SCAPER: variants seen among roughly 807,000 people sequenced by gnomAD.
SCAPER encodes S-phase cyclin A associated protein in the ER, also known as S phase cyclin A-associated protein in the endoplasmic reticulum.
A neutral mutation model predicts 182.2 loss-of-function variants in SCAPER; 98 were observed. That is an observed-to-expected ratio of 0.54 (90% CI 0.46 to 0.64). The LOEUF is 0.64. Among genes scored for constraint, SCAPER ranks in the 30% least tolerant of loss-of-function variants. The probability of loss-of-function intolerance (pLI) is 0.00; values close to 1 mark genes in which losing one functional copy is unlikely to be tolerated. For missense variants in SCAPER, 1,432 were observed against 1,690.0 expected (o/e 0.85, Z 2.68); for synonymous variants, 605 against 564.6 (o/e 1.07, Z -1.01).
intron 17 of SCAPER, among the ~76,000 whole-genome samples, chr15:76,719,554 C>A (rs1441469757): frequency 6.6e-6 from 1 of 152,014 alleles, no homozygotes; most frequent in East Asian, 1.9e-4. Flanking sequence ...GCCCTTGCCA[C>A]TAAAACAAAT....
chr15:76,348,728 G>A lies in SCAPER; in HGVS notation c.4108C>T (p.Leu1370Phe). 1 of 1,524,088 alleles carries A rather than the reference G, an allele frequency of 6.6e-7. No homozygotes were observed. Among genetic ancestry groups the A allele is most frequent in the South Asian group, 1.3e-5 (1 of 78,132 alleles). 94.4% of individuals were successfully genotyped at this position (1,524,088 alleles called of 1,614,324 possible). A position where few individuals can be genotyped will look rare whatever the true frequency, so the allele number is the denominator to read the frequency against. ...NQPYQPKGKC[L>F]GSQDYLELAN... is the part of the protein sequence containing the mutation. ...AGCTCAAGATAGTCTTGGGAACCAA[G>A]GCATTTCCCTGAGAGGGGGATAAAA... Residue 1370 changes from leucine to phenylalanine, a missense_variant, in exon 32 of 32, where the codon CTT (leucine) becomes TTT (phenylalanine). Transcript: ENST00000563290.
At chr15:76,392,231 TA>T (rs200400170) in intron 27 of SCAPER, among the ~76,000 whole-genome samples, 1 of 152,148 alleles carries the variant, frequency 6.6e-6, no homozygotes, top group Non-Finnish European at 1.5e-5. Context: ...AATTTTTAAT[TA>T]AAAAAATAAC....
At chr15:76,507,612 G>A (rs754453045) in intron 23 of SCAPER, among the ~76,000 whole-genome samples, 3 of 152,022 alleles carry the variant, frequency 2.0e-5, no homozygotes, top group East Asian at 1.9e-4. Context: ...CATTAATGAC[G>A]TATCAATTAT....
chr15:76,454,081 A>G (rs2048556885), intron 25 of SCAPER, among the ~76,000 whole-genome samples: 1 of 152,190 alleles, frequency 6.6e-6, no homozygotes, highest in Non-Finnish European at 1.5e-5. Flanking sequence ...GCGGATCCCT[A>G]CTTATGTCAC....
intron 22 of SCAPER, among the ~76,000 whole-genome samples, chr15:76,619,144 C>T (rs1044680895): frequency 1.3e-5 from 2 of 152,098 alleles, no homozygotes; most frequent in African/African-American, 4.8e-5. Context: ...CGCACCCAGC[C>T]GTGTTTCTAT....
intron 15 of SCAPER, among the ~76,000 whole-genome samples, chr15:76,740,876 T>C (rs985860580): frequency 6.6e-6 from 1 of 152,062 alleles, no homozygotes; most frequent in Non-Finnish European, 1.5e-5. Flanking sequence ...ATAATAAAAC[T>C]ATGAATAATT....
At chr15:76,700,745 A>T (rs1054963716) in intron 20 of SCAPER, among the ~76,000 whole-genome samples, 1 of 152,220 alleles carries the variant, frequency 6.6e-6, no homozygotes, top group Non-Finnish European at 1.5e-5. Flanking sequence ...CTGATGCTAC[A>T]CAGGAGGGCA....
chr15:76,539,601 G>T (rs2044545105), intron 23 of SCAPER, among the ~76,000 whole-genome samples: 1 of 131,476 alleles, frequency 7.6e-6, no homozygotes, highest in Admixed American at 9.3e-5. Context: ...CTGGAGTGCT[G>T]TGGCATGATC....
At chr15:76,744,997 A>G (rs1276029196) in intron 15 of SCAPER, among the ~76,000 whole-genome samples, 2 of 152,222 alleles carry the variant, frequency 1.3e-5, no homozygotes, top group Non-Finnish European at 2.9e-5. Context: ...TTGCAGCAAC[A>G]TAGATGGAAC....
chr15:76,421,200 T>A (rs1290283013), intron 26 of SCAPER, among the ~76,000 whole-genome samples: 4 of 152,222 alleles, frequency 2.6e-5, no homozygotes, highest in Non-Finnish European at 4.4e-5. Flanking sequence ...TGCCACACTG[T>A]CTTCCACAAT....
At chr15:76,421,462 G>A (rs1373267282) in intron 26 of SCAPER, among the ~76,000 whole-genome samples, 1 of 152,084 alleles carries the variant, frequency 6.6e-6, no homozygotes, top group Non-Finnish European at 1.5e-5. Flanking sequence ...ACTTTTTGAT[G>A]GGGTTGTTTG....
intron 21 of SCAPER, among the ~76,000 whole-genome samples, chr15:76,640,260 G>A (rs1344576899): frequency 2.0e-5 from 3 of 152,270 alleles, no homozygotes; most frequent in East Asian, 3.9e-4. Context: ...GAGACAAACT[G>A]TTATATGGAT....
chr15:76,673,952 TACACACACACAC>T (rs71447120), intron 20 of SCAPER, among the ~76,000 whole-genome samples: 23,288 of 146,394 alleles, frequency 0.16, 2,182 homozygotes, highest in Middle Eastern at 0.23. Context: ...AATTTATCTA[TACACACACACAC>T]ACACACACAC....
intron 17 of SCAPER, 150 bp downstream of exon 17, chr15:76,728,445 G>T: frequency 1.1e-6 from 1 of 944,368 alleles, no homozygotes; most frequent in Non-Finnish European, 1.6e-6. Flanking sequence ...GAGGTGGGAG[G>T]ATCACTTGAG....
At chr15:76,864,368 A>G (rs1182600907) in intron 2 of SCAPER, among the ~76,000 whole-genome samples, 4 of 152,228 alleles carry the variant, frequency 2.6e-5, no homozygotes, top group African/African-American at 9.6e-5. Flanking sequence ...TACTCCTATG[A>G]GAAACACATT....
chr15:76,620,674 G>C (rs937292244), intron 22 of SCAPER, among the ~76,000 whole-genome samples: 3 of 152,098 alleles, frequency 2.0e-5, no homozygotes, highest in South Asian at 2.1e-4. Context: ...CCTCAACTTG[G>C]GGCACTTAAA....
chr15:76,800,116 G>C lies in SCAPER; in HGVS notation c.611+132C>G, dbSNP rs1277905097. 3.0e-4 allele frequency: 149 copies of C among 492,110 alleles called. 19 individuals carry two copies. The highest frequency in any genetic ancestry group is 5.5e-5 in the Non-Finnish European group (15 of 271,354). 30.5% of individuals were successfully genotyped at this position (492,110 alleles called of 1,614,324 possible). On this transcript the variant is annotated intron_variant, in intron 7 of 31. Coordinates refer to ENST00000563290, the MANE Select transcript of SCAPER (RefSeq NM_020843.4). Reference sequence around the variant, plus strand: ...CACACAGTGTTCCCCTCCTGTGTCAGAACCTGTATACAGTATTCTGCATAA... The same window carrying C: ...CACACAGTGTTCCCCTCCTGTGTCACAACCTGTATACAGTATTCTGCATAA...
At chr15:76,552,443 C>G (rs2045857087) in intron 23 of SCAPER, among the ~76,000 whole-genome samples, 1 of 152,070 alleles carries the variant, frequency 6.6e-6, no homozygotes, top group Non-Finnish European at 1.5e-5. Flanking sequence ...GATGTGGACA[C>G]TGGACTGAAG....
At chr15:76,499,335 C>A (rs143583618) in intron 24 of SCAPER, among the ~76,000 whole-genome samples, 1 of 152,252 alleles carries the variant, frequency 6.6e-6, no homozygotes, top group Non-Finnish European at 1.5e-5. Context: ...TGAAAACATG[C>A]CAAATGCTCT....
Sources: allele counts gnomAD v4.1 joint callset (sites outside exome capture counted in the v4.1 genomes callset), GRCh38; gene constraint gnomAD v4.1.1; transcripts MANE v1.5; gene names NCBI Gene and HGNC (gene_info 2026-07-23, HGNC 2026-07-21).